Variants in ABCA12 observed in about 807,000 individuals in gnomAD.
The protein encoded by ABCA12 is glucosylceramide transporter ABCA12.
In ABCA12, 156 loss-of-function variants were observed where a neutral mutation model predicts 293.5. The ratio of observed to expected loss-of-function variants is 0.53; its 90% CI spans 0.47 to 0.61. The LOEUF (loss-of-function observed/expected upper bound fraction) is 0.61. Ranked by LOEUF, ABCA12 falls within the 20% of genes least tolerant of loss-of-function variation. ABCA12 has a pLI of 0.00. For synonymous variants in ABCA12, 1,063 were observed against 1,108.0 expected (o/e 0.96, Z 0.81); for missense variants, 2,797 against 3,090.2 (o/e 0.91, Z 2.25).
chr2:214,950,319 T>C (rs1166420275), intron 45 of ABCA12, among the ~76,000 whole-genome samples: 1 of 151,876 alleles, frequency 6.6e-6, no homozygotes, highest in East Asian at 1.9e-4. Flanking sequence ...GATGACTCTA[T>C]ATGTGTATAC....
chr2:215,107,779 C>T (rs1702492829), intron 2 of ABCA12, among the ~76,000 whole-genome samples: 1 of 152,136 alleles, frequency 6.6e-6, no homozygotes, highest in Admixed American at 6.5e-5. Flanking sequence ...AGAATGTACC[C>T]ACAGTATTAC....
chr2:215,094,169 G>T (rs1323366443), intron 2 of ABCA12, among the ~76,000 whole-genome samples: 2 of 152,134 alleles, frequency 1.3e-5, no homozygotes, highest in South Asian at 4.1e-4. Context: ...CCACCATGCT[G>T]TTACATGGGC....
At chr2:215,092,818 T>C (rs953531505) in intron 2 of ABCA12, among the ~76,000 whole-genome samples, 2 of 152,172 alleles carry the variant, frequency 1.3e-5, no homozygotes, top group African/African-American at 4.8e-5. Context: ...CAACCCATTA[T>C]TCTGTTATGG....
At chr2:214,935,110 C>T (rs935100023) in intron 51 of ABCA12, among the ~76,000 whole-genome samples, 3 of 152,190 alleles carry the variant, frequency 2.0e-5, no homozygotes, top group African/African-American at 7.2e-5. Flanking sequence ...TCTCCTCCCG[C>T]TTTGTGCATT....
At chr2:214,946,415 A>G (rs1041816223) in intron 48 of ABCA12, among the ~76,000 whole-genome samples, 1 of 152,140 alleles carries the variant, frequency 6.6e-6, no homozygotes, top group African/African-American at 2.4e-5. Context: ...AATGTCTAAC[A>G]TTTTAAAGTA....
intron 2 of ABCA12, among the ~76,000 whole-genome samples, chr2:215,070,425 A>C (rs918924662): frequency 6.6e-5 from 10 of 151,770 alleles, no homozygotes; most frequent in Admixed American, 6.6e-4. Flanking sequence ...TTTAGGGTAC[A>C]TGTGCACAGT....
Position 215,018,106 on chromosome 2 carries a change from C to T in ABCA12, c.1684G>A (p.Val562Ile). 1.2e-6 allele frequency: 2 copies of T among 1,613,612 alleles called. No individual in the cohort carries two copies. The highest frequency in any genetic ancestry group is 2.2e-5 in the East Asian group (1 of 44,846). The change falls in exon 14 of 53, where the codon GTT becomes ATT. Residue 562 changes from valine to isoleucine, a missense_variant. Coordinates refer to ENST00000272895, the MANE Select transcript of ABCA12 (RefSeq NM_173076.3). ...CTTAAATCTTCTTTCAGCTCTTCAA[C>T]ATTTTTAAACATTTCTAGTAACTGA... ...PGQLLEMFKN[V>I]EELKEDLRRT...
rs150977019 is a variant in ABCA12 at position 215,049,770 on chromosome 2, T to C, written c.549A>G (p.Glu183=). ...TGTATCCTGAATAGCTGTCACATAG[T>C]TCTCTTCGTATATCTTCTGAAGTTG... ...QNSTSEDIRR[E]LCDSYSGYIV... Residue 183 remains glutamate (E), a synonymous_variant, in exon 6 of 53, where the codon GAA becomes GAG. Coordinates refer to ENST00000272895, the MANE Select transcript of ABCA12 (RefSeq NM_173076.3). 8.6e-4 allele frequency: 1,382 copies of C among 1,613,558 alleles called. 10 individuals carry two copies. In the African/African-American group the frequency reaches 0.014, roughly 16 times the overall value.
At chr2:215,110,329 T>G (rs559312021) in intron 2 of ABCA12, among the ~76,000 whole-genome samples, 24 of 152,182 alleles carry the variant, frequency 1.6e-4, no homozygotes, top group African/African-American at 5.8e-4. Context: ...GCTAACACAG[T>G]GAAACCCGGT....
chr2:215,063,049 C>A (rs1183368285), intron 3 of ABCA12, among the ~76,000 whole-genome samples: 4 of 151,864 alleles, frequency 2.6e-5, no homozygotes, highest in African/African-American at 9.7e-5. Context: ...GAATGAACAT[C>A]AGATTCTTTT....
intron 42 of ABCA12, 125 bp from the exon 43 acceptor site, chr2:214,955,486 A>C (rs773459619): frequency 5.5e-6 from 5 of 916,968 alleles, no homozygotes; most frequent in Non-Finnish European, 8.5e-6. Flanking sequence ...GTTTGAGACC[A>C]GCCTGAGCAA....
At chr2:215,135,174 T>C (rs922540823) in intron 1 of ABCA12, among the ~76,000 whole-genome samples, 4 of 152,010 alleles carry the variant, frequency 2.6e-5, no homozygotes, top group African/African-American at 7.2e-5. Flanking sequence ...GGCCAGGCTG[T>C]TCTTGAACTC....
At chr2:215,084,949 C>G (rs1702009429) in intron 2 of ABCA12, among the ~76,000 whole-genome samples, 1 of 151,842 alleles carries the variant, frequency 6.6e-6, no homozygotes, top group East Asian at 1.9e-4. Flanking sequence ...CAAAACTTAG[C>G]TGGGCATGGT....
rs1322538931 is a variant in ABCA12 at position 214,978,307 on chromosome 2, GA to G, written c.5128+8del. 1.9e-6 allele frequency: 3 copies of G among 1,613,740 alleles called. No homozygotes were observed. The African/African-American group carries it at 4.0e-5, about 22-fold the overall frequency. ...GGAATTAAACAAAATATCCACATTAGATTCATACCATCTCTGTCTGTGAAAT... is the reference window on the plus strand; with the variant it reads ...GGAATTAAACAAAATATCCACATTAGTTCATACCATCTCTGTCTGTGAAAT... On this transcript the variant is annotated splice_region_variant and intron_variant, in intron 33 of 52. Coordinates refer to ENST00000272895, the MANE Select transcript of ABCA12 (RefSeq NM_173076.3).
chr2:215,033,973 T>G (rs902421277), intron 8 of ABCA12, among the ~76,000 whole-genome samples: 1 of 151,898 alleles, frequency 6.6e-6, no homozygotes, highest in Non-Finnish European at 1.5e-5. Flanking sequence ...AAAATAAATA[T>G]ATGTACTGGG....
chr2:214,956,664 C>A lies in ABCA12; in HGVS notation c.6232G>T (p.Gly2078Trp), dbSNP rs577439400. ...GAVSLLLLLF[G>W]YATFSWMYLL... is the part of the protein sequence containing the mutation. Reference sequence around the variant, plus strand: ...TTCATTGCTTAATCAGCAGCTTACCCAAACAGGAGAAGTAGGAGAGATACA... The same window carrying A: ...TTCATTGCTTAATCAGCAGCTTACCAAAACAGGAGAAGTAGGAGAGATACA... Residue 2078 changes from glycine (G) to tryptophan (W), a missense_variant and splice_region_variant, in exon 42 of 53, where the codon GGG (glycine) becomes TGG (tryptophan). Gly to Trp is a radical substitution (Grantham distance 184). Transcript: ENST00000272895. The A allele has an allele frequency of 6.2e-7, 1 of 1,609,914 alleles. No homozygotes were observed. The highest frequency in any genetic ancestry group is 8.5e-7 in the Non-Finnish European group (1 of 1,176,560).
At chr2:214,969,930 AT>A (rs1699349055) in intron 37 of ABCA12, among the ~76,000 whole-genome samples, 1 of 152,006 alleles carries the variant, frequency 6.6e-6, no homozygotes, top group Non-Finnish European at 1.5e-5. Context: ...AGATATTCAT[AT>A]TGGAACTGAG....
At chr2:214,978,506 T>G in intron 32 of ABCA12, 40 bp from the exon 33 acceptor site, 1 of 1,601,284 alleles carries the variant, frequency 6.2e-7, no homozygotes, top group South Asian at 1.1e-5. Context: ...ACATGAAAAG[T>G]GCATGTCTTT....
intron 30 of ABCA12, among the ~76,000 whole-genome samples, chr2:214,981,767 T>G (rs1211228425): frequency 1.4e-5 from 2 of 139,702 alleles, no homozygotes; most frequent in East Asian, 4.1e-4. Context: ...GCTGGTTTTT[T>G]TTTTTTTTTT....
Sources: gnomAD v4.1 joint callset for allele counts (sites outside exome capture counted in the v4.1 genomes callset) on GRCh38, gnomAD v4.1.1 for gene constraint, MANE v1.5 for transcripts, NCBI Gene and HGNC (gene_info 2026-07-23, HGNC 2026-07-21) for gene names.